Variants in NIPBL observed in about 807,000 individuals in gnomAD.
NIPBL encodes nipped-B-like protein.
NIPBL carries 19 observed loss-of-function variants against 321.8 expected under a neutral mutation model. The observed-to-expected ratio is 0.06, with a 90% CI of 0.04 to 0.09. The LOEUF (loss-of-function observed/expected upper bound fraction) is 0.09, where lower values mean the gene tolerates loss of function less well. Among genes scored for constraint, NIPBL ranks in the 10% least tolerant of loss-of-function variants. NIPBL has a pLI of 1.00. For synonymous variants in NIPBL, 1,106 were observed against 1,114.1 expected (o/e 0.99, Z 0.14); for missense variants, 2,210 against 3,327.0 (o/e 0.66, Z 8.26).
chr5:36,903,219 A>G (rs920322768), intron 1 of NIPBL, among the ~76,000 whole-genome samples: 1 of 152,132 alleles, frequency 6.6e-6, no homozygotes, highest in Non-Finnish European at 1.5e-5. Flanking sequence ...ATGAGGAAAG[A>G]TAGTTTGACT....
chr5:37,024,132 C>G lies in NIPBL; in HGVS notation c.5575-453C>G, dbSNP rs550905006. Among the ~76,000 whole-genome samples the G allele has an allele frequency of 1.2e-4, 18 of 151,776 alleles. 1 individual carries two copies. The South Asian group carries it at 3.6e-3, about 30-fold the overall frequency. On this transcript the variant is annotated intron_variant, in intron 29 of 46. Coordinates refer to ENST00000282516, the MANE Select transcript of NIPBL (RefSeq NM_133433.4). ...GTGAGCTGAGATCGCACCATTGTTA[C>G]CCCAGCCTGGGCGAGAAGAGCAAAA...
In NIPBL at chr5:36,985,874, A is replaced by G. The variant is rs1171767539; in HGVS notation, c.2694A>G (p.Gly898=). 1 of 1,613,940 alleles carries G rather than the reference A, an allele frequency of 6.2e-7. No individual in the cohort carries two copies. Among genetic ancestry groups the G allele is most frequent in the Non-Finnish European group, 8.5e-7 (1 of 1,179,952 alleles). ...SRPDSPRVKQ[G]DSNKSRSDKL... ...CTGACAGTCCTCGTGTTAAACAAGG[A>G]GATTCTAATAAATCAAGATCTGATA... is the stretch of plus-strand genomic sequence containing the variant. Residue 898 remains glycine, a synonymous_variant, in exon 10 of 47, where the codon GGA becomes GGG. Coordinates refer to ENST00000282516, the MANE Select transcript of NIPBL (RefSeq NM_133433.4).
At chr5:36,918,211 A>T (rs1295353980) in intron 1 of NIPBL, among the ~76,000 whole-genome samples, 2 of 151,978 alleles carry the variant, frequency 1.3e-5, no homozygotes, top group African/African-American at 2.4e-5. Flanking sequence ...GAGCAGTGGT[A>T]TGTAGTTCTC....
chr5:36,924,692 TAC>T (rs1473231661), intron 1 of NIPBL, among the ~76,000 whole-genome samples: 1 of 152,230 alleles, frequency 6.6e-6, no homozygotes, highest in Non-Finnish European at 1.5e-5. Flanking sequence ...GCTAGTAATG[TAC>T]ATAGCTGACA....
chr5:37,026,750 G>T (rs1750313508), intron 31 of NIPBL, among the ~76,000 whole-genome samples: 1 of 151,596 alleles, frequency 6.6e-6, no homozygotes, highest in South Asian at 2.1e-4. Flanking sequence ...AGAAATTTTT[G>T]CCAGTCACAG....
chr5:36,938,029 C>G (rs1738636178), intron 1 of NIPBL, among the ~76,000 whole-genome samples: 1 of 152,110 alleles, frequency 6.6e-6, no homozygotes, highest in Non-Finnish European at 1.5e-5. Flanking sequence ...TGTGACCACA[C>G]CATTTACCCC....
intron 19 of NIPBL, 105 bp from the exon 20 acceptor site, chr5:37,008,518 A>G (rs928236262): frequency 9.9e-6 from 7 of 708,752 alleles, no homozygotes; most frequent in Non-Finnish European, 1.8e-5. Flanking sequence ...GATACTGAAA[A>G]CATTTTCATT....
intron 44 of NIPBL, 33 bp downstream of exon 44, chr5:37,059,198 TCA>T (rs1325455733): frequency 6.2e-7 from 1 of 1,608,334 alleles, no homozygotes; most frequent in South Asian, 1.1e-5. Flanking sequence ...AGAAAAAACT[TCA>T]CTCTGTTCAA....
chr5:36,885,219 C>G (rs1745800871), intron 1 of NIPBL: 1 of 534,030 alleles, frequency 1.9e-6, no homozygotes, highest in Non-Finnish European at 3.8e-6. Context: ...AGCTTCACCA[C>G]TTGCTCCACC....
At chr5:37,055,300 T>C (rs993217892) in intron 42 of NIPBL, among the ~76,000 whole-genome samples, 1 of 143,596 alleles carries the variant, frequency 7.0e-6, no homozygotes, top group African/African-American at 2.7e-5. Flanking sequence ...GGCAGTGAGC[T>C]GAGATCGCAC....
At chr5:36,995,437 G>A (rs1313567342) in intron 10 of NIPBL, 185 bp from the exon 11 acceptor site, 4 of 548,568 alleles carry the variant, frequency 7.3e-6, no homozygotes, top group African/African-American at 1.9e-5. Flanking sequence ...ATGTATATAT[G>A]TACACATACA....
At chr5:36,898,388 T>G (rs1274817747) in intron 1 of NIPBL, among the ~76,000 whole-genome samples, 2 of 152,178 alleles carry the variant, frequency 1.3e-5, no homozygotes, top group Admixed American at 1.3e-4. Context: ...TTAATACTGT[T>G]GAAGAAACCC....
rs781729399 is a variant in NIPBL, at chr5:37,051,539, TACAA to T, written c.6955-239_6955-236del. The T allele has an allele frequency of 1.1e-3, 589 of 544,680 alleles. 12 individuals carry two copies. In the Admixed American group the frequency reaches 0.012, roughly 11 times the overall value. 33.7% of individuals were successfully genotyped at this position (544,680 alleles called of 1,614,324 possible). A position where few individuals can be genotyped will look rare whatever the true frequency, so the allele number is the denominator to read the frequency against. ...CTTTATGTTTAAAGAACCTAAAATT[TACAA>T]TGAAATTGTTTAAATTTTATCACGT... On this transcript the variant is annotated intron_variant, in intron 40 of 46. Coordinates refer to ENST00000282516, the MANE Select transcript of NIPBL (RefSeq NM_133433.4).
chr5:36,975,753 C>A (rs772279101), intron 8 of NIPBL, 23 bp from the exon 9 acceptor site: 2 of 1,611,732 alleles, frequency 1.2e-6, no homozygotes, highest in Non-Finnish European at 1.7e-6. Flanking sequence ...ACAACTGTTA[C>A]TTCTATCGAA....
At chr5:36,982,632 T>A (rs1447493912) in intron 9 of NIPBL, among the ~76,000 whole-genome samples, 1 of 151,892 alleles carries the variant, frequency 6.6e-6, no homozygotes, top group Non-Finnish European at 1.5e-5. Flanking sequence ...ATTCATAGTT[T>A]AAATAAAATA....
At chr5:36,940,211 A>T (rs1171824597) in intron 1 of NIPBL, among the ~76,000 whole-genome samples, 2 of 152,204 alleles carry the variant, frequency 1.3e-5, no homozygotes, top group African/African-American at 2.4e-5. Flanking sequence ...ATTTTTAAGG[A>T]GTATATACAG....
rs1754601900 is a variant in NIPBL, at chr5:37,060,996, G to A, written c.7838G>A (p.Ser2613Asn). 1.9e-6 allele frequency: 3 copies of A among 1,614,106 alleles called. No individual in the cohort carries two copies. Among genetic ancestry groups the A allele is most frequent in the African/African-American group, 1.3e-5 (1 of 75,052 alleles). The change falls in exon 45 of 47, where the codon AGT (serine) becomes AAT (asparagine). Residue 2613 changes from serine to asparagine, a missense_variant. Coordinates refer to ENST00000282516, the MANE Select transcript of NIPBL (RefSeq NM_133433.4). The part of the protein sequence containing the change: ...NSKITEEVKR[S>N]IVKQYLDFKL... ...AAAATCACAGAAGAGGTGAAAAGGAGTATAGTAAAACAGTATCTAGATGTG... is the reference window on the plus strand; with the variant it reads ...AAAATCACAGAAGAGGTGAAAAGGAATATAGTAAAACAGTATCTAGATGTG...
rs558798323 is a variant in NIPBL at position 36,886,435 on chromosome 5, C to T, written c.-80+9257C>T. 37 of 741,838 alleles carry T rather than the reference C, an allele frequency of 5.0e-5. No homozygotes were observed. The Middle Eastern group carries it at 9.5e-4, about 19-fold the overall frequency. 46.0% of individuals were successfully genotyped at this position (741,838 alleles called of 1,614,324 possible). A position where few individuals can be genotyped will look rare whatever the true frequency, so the allele number is the denominator to read the frequency against. On this transcript the variant is annotated intron_variant, in intron 1 of 46. Transcript: ENST00000282516. Reference sequence around the variant, plus strand: ...GCAAACTATCCAAAAGACCACCACCCGCTGGATAGTGGATGGCAGAGTGGT... The same window carrying T: ...GCAAACTATCCAAAAGACCACCACCTGCTGGATAGTGGATGGCAGAGTGGT...
rs191159223 is a variant in NIPBL at position 37,043,971 on chromosome 5, C to G, written c.6109-376C>G. On this transcript the variant is annotated intron_variant, in intron 34 of 46. Transcript: ENST00000282516. ...AGGATACGGGGGAAGAAGCTTATTC[C>G]TGATTGAGAACTACTGGGTTAACAT... Among the ~76,000 whole-genome samples the G allele has an allele frequency of 2.3e-3, 354 of 152,250 alleles. 1 individual carries two copies. Among genetic ancestry groups the G allele is most frequent in the African/African-American group, 8.2e-3 (341 of 41,550 alleles).
Sources: allele counts gnomAD v4.1 joint callset (sites outside exome capture counted in the v4.1 genomes callset), GRCh38; gene constraint gnomAD v4.1.1; transcripts MANE v1.5; gene names NCBI Gene and HGNC (gene_info 2026-07-23, HGNC 2026-07-21).